The following EPHB3 variants were observed in gnomAD, a reference collection of about 807,000 sequenced individuals.
EPHB3 encodes the protein EPH receptor B3.
EPHB3 carries 33 observed loss-of-function variants against 100.2 expected under a neutral mutation model. The ratio of observed to expected loss-of-function variants is 0.33; its 90% CI spans 0.25 to 0.44. The LOEUF is 0.44. EPHB3 is among the 20% of genes least tolerant of loss of function. The pLI is 1.00. For missense variants in EPHB3, 1,045 were observed against 1,378.3 expected, an observed-to-expected ratio of 0.76 and a Z score of 3.83; for synonymous variants, 526 against 554.7, an observed-to-expected ratio of 0.95 and a Z score of 0.73.
intron 1 of EPHB3, among the ~76,000 whole-genome samples, chr3:184,567,383 CAG>C (rs1714414034): frequency 1.3e-5 from 2 of 152,180 alleles, no homozygotes; most frequent in Non-Finnish European, 2.9e-5. Flanking sequence ...CGAGAGGCAC[CAG>C]AGTGTTGGGG....
intron 1 of EPHB3, among the ~76,000 whole-genome samples, chr3:184,564,861 A>G (rs1476820644): frequency 6.6e-6 from 1 of 152,030 alleles, no homozygotes; most frequent in African/African-American, 2.4e-5. Flanking sequence ...ATAGCACTGA[A>G]GATCTCTTCA....
chr3:184,566,403 C>T (rs1714385892), intron 1 of EPHB3, among the ~76,000 whole-genome samples: 1 of 152,208 alleles, frequency 6.6e-6, no homozygotes, highest in South Asian at 2.1e-4. Context: ...TGAGATGTTC[C>T]CCCCACCCCA....
rs148894801 is a variant in EPHB3 at position 184,569,230 on chromosome 3, G to A, written c.119-2088G>A. ...ACCGGCGGGAGGACTGGCTGCGGGG[G>A]CAGGGCGCGCTTGCTCTGCCGGCTC... On this transcript the variant is annotated intron_variant, in intron 1 of 15. Transcript: ENST00000330394. This position sits in a 1 kb window ranked among gnomAD's most constrained non-coding sequence, Gnocchi z 5.4. Among the ~76,000 whole-genome samples the A allele has an allele frequency of 1.4e-5, 2 of 140,926 alleles. No individual in the cohort carries two copies. The highest frequency in any genetic ancestry group is 2.6e-5 in the African/African-American group (1 of 38,710). The allele number at this position is 140,926 out of a possible 152,430, so 92.5% of individuals were successfully genotyped here. A position where few individuals can be genotyped will look rare whatever the true frequency, so the allele number is the denominator to read the frequency against.
At position 184,562,791 on chromosome 3, in the gene EPHB3, G is replaced by A. The variant is rs1235659736; in HGVS notation, c.118+438G>A. On this transcript the variant is annotated intron_variant, in intron 1 of 15. Coordinates refer to ENST00000330394, the MANE Select transcript of EPHB3 (RefSeq NM_004443.4). The surrounding 1 kb of genome is among the most constrained non-coding windows in gnomAD (Gnocchi z 4.8). ...GTTGGGGGGCGCTAATGAGGAGCCCGTTGGAGTTAACTGTGAGAGTGTGAG... is the reference window on the plus strand; with the variant it reads ...GTTGGGGGGCGCTAATGAGGAGCCCATTGGAGTTAACTGTGAGAGTGTGAG... 2.0e-5 allele frequency among the ~76,000 whole-genome samples: 3 copies of A among 152,218 alleles called. No individual in the cohort carries two copies. The highest frequency in any genetic ancestry group is 2.9e-5 in the Non-Finnish European group (2 of 68,032).
chr3:184,578,574 G>A lies in EPHB3; in HGVS notation c.1801+108G>A. On this transcript the variant is annotated intron_variant, in intron 9 of 15. Coordinates refer to ENST00000330394, the MANE Select transcript of EPHB3 (RefSeq NM_004443.4). The surrounding 1 kb of genome is among the most constrained non-coding windows in gnomAD (Gnocchi z 4.7). The stretch of plus-strand genomic sequence containing the variant: ...CATTCCTTAGAGATAAACCCTGAAT[G>A]CCCCCTCCCACTTCCAGTCAAGTGG... 7.1e-7 allele frequency: 1 copy of A among 1,416,526 alleles called. No individual in the cohort carries two copies. Among genetic ancestry groups the A allele is most frequent in the South Asian group, 1.2e-5 (1 of 81,122 alleles). 87.7% of individuals were successfully genotyped at this position (1,416,526 alleles called of 1,614,324 possible).
rs1714775846 is a variant in EPHB3, at chr3:184,579,837, C to T, written c.2075C>T (p.Pro692Leu). 2 of 1,613,618 alleles carry T rather than the reference C, an allele frequency of 1.2e-6. No individual in the cohort carries two copies. Among genetic ancestry groups the T allele is most frequent in the African/African-American group, 2.7e-5 (2 of 74,772 alleles). The change falls in exon 11 of 16, where the codon CCC becomes CTC. Residue 692 changes from proline to leucine, a missense_variant. Coordinates refer to ENST00000330394, the MANE Select transcript of EPHB3 (RefSeq NM_004443.4). The surrounding 1 kb of genome is among the most constrained non-coding windows in gnomAD (Gnocchi z 5.2). Reference sequence around the variant, plus strand: ...TCCATCATGGGTCAGTTTGATCACCCCAATATAATCCGGCTCGAGGGCGTG... The same window carrying T: ...TCCATCATGGGTCAGTTTGATCACCTCAATATAATCCGGCTCGAGGGCGTG... Reference protein sequence around the residue: ...EASIMGQFDHPNIIRLEGVVT... With the variant: ...EASIMGQFDHLNIIRLEGVVT...
chr3:184,562,268 G>A lies in EPHB3; in HGVS notation c.33G>A (p.Ser11=), dbSNP rs1326056988. The A allele has an allele frequency of 1.7e-6, 2 of 1,174,818 alleles. No individual in the cohort carries two copies. Among genetic ancestry groups the A allele is most frequent in the Non-Finnish European group, 2.1e-6 (2 of 942,252 alleles). 72.8% of individuals were successfully genotyped at this position (1,174,818 alleles called of 1,614,324 possible). Residue 11 remains serine (S), a synonymous_variant, in exon 1 of 16, where the codon TCG becomes TCA. Transcript: ENST00000330394. The surrounding 1 kb of genome is among the most constrained non-coding windows in gnomAD (Gnocchi z 4.8). ...GAGCCCGCCCGCCGCCGCCGCCGTC[G>A]CCGCCGCCGGGGCTTCTGCCGCTGC... MARARPPPPP[S]PPPGLLPLLP...
Position 184,579,992 on chromosome 3 carries a change from T to C in EPHB3, c.2172+58T>C. 3 of 1,570,910 alleles carry C rather than the reference T, an allele frequency of 1.9e-6. No homozygotes were observed. The highest frequency in any genetic ancestry group is 2.6e-6 in the Non-Finnish European group (3 of 1,160,278). ...CCAGAGAGTTGGATTGGGCTCACCA[T>C]CCCCTCCCACAAGTCAGACAGCCCC... On this transcript the variant is annotated intron_variant, in intron 11 of 15. Transcript: ENST00000330394. The surrounding 1 kb of genome is among the most constrained non-coding windows in gnomAD (Gnocchi z 5.2).
chr3:184,580,312 G>C, intron 11 of EPHB3, 90 bp from the exon 12 acceptor site: 2 of 1,520,492 alleles, frequency 1.3e-6, no homozygotes, highest in East Asian at 2.3e-5. Context: ...AGACGAGGTA[G>C]AGTCTGAGTA....
At chr3:184,568,738 A>G (rs751903737) in intron 1 of EPHB3, among the ~76,000 whole-genome samples, 19 of 152,164 alleles carry the variant, frequency 1.2e-4, no homozygotes, top group Non-Finnish European at 2.6e-4. Flanking sequence ...GGAAACCGAG[A>G]GCACGCGGCC....
rs67295730 is a variant in EPHB3 at position 184,573,716 on chromosome 3, CTTTT to C, written c.856+555_856+558del. Among the ~76,000 whole-genome samples, 2 of 138,564 alleles carry C rather than the reference CTTTT, an allele frequency of 1.4e-5. No homozygotes were observed. Among genetic ancestry groups the C allele is most frequent in the African/African-American group, 2.7e-5 (1 of 37,276 alleles). 90.9% of individuals were successfully genotyped at this position (138,564 alleles called of 152,430 possible). On this transcript the variant is annotated intron_variant, in intron 3 of 15. Coordinates refer to ENST00000330394, the MANE Select transcript of EPHB3 (RefSeq NM_004443.4). This position sits in a 1 kb window ranked among gnomAD's most constrained non-coding sequence, Gnocchi z 4.5. ...CACTTACGTGACCTTGGGCAAGTTA[CTTTT>C]TTTTTTTTTTTTTTGAGATGGAGTT...
At position 184,579,340 on chromosome 3, in the gene EPHB3, A is replaced by T. The variant is rs1287843373; in HGVS notation, c.1802-137A>T. 7.5e-6 allele frequency: 10 copies of T among 1,331,832 alleles called. No homozygotes were observed. The African/African-American group carries it at 1.3e-4, about 18-fold the overall frequency. The allele number at this position is 1,331,832 out of a possible 1,614,324, so 82.5% of individuals were successfully genotyped here. On this transcript the variant is annotated intron_variant, in intron 9 of 15. Coordinates refer to ENST00000330394, the MANE Select transcript of EPHB3 (RefSeq NM_004443.4). This position sits in a 1 kb window ranked among gnomAD's most constrained non-coding sequence, Gnocchi z 5.2. ...GCCTTTATGGTCACCAGGAGTTCTC[A>T]TGGGAGCTGGAGGATTAGGGCAGCA...
In EPHB3 at chr3:184,575,928, A is replaced by G; in HGVS notation, c.955A>G (p.Thr319Ala). The change falls in exon 4 of 16, where the codon ACC (threonine) becomes GCC (alanine). Residue 319 changes from threonine to alanine, a missense_variant. Transcript: ENST00000330394. Reference protein sequence around the residue: ...RTTSPAASICTCHNNFYRADS... With the variant: ...RTTSPAASICACHNNFYRADS... ...CACCTCCCCAGCCGCCAGCATCTGC[A>G]CCTGCCACAATAACTTCTACCGTGC... 1.3e-6 allele frequency: 2 copies of G among 1,592,134 alleles called. No individual in the cohort carries two copies. The highest frequency in any genetic ancestry group is 4.5e-5 in the East Asian group (2 of 44,108).
In EPHB3 at chr3:184,571,409, G is replaced by A. The variant is rs199537970; in HGVS notation, c.183+27G>A. On this transcript the variant is annotated intron_variant, in intron 2 of 15. Transcript: ENST00000330394. The surrounding 1 kb of genome is among the most constrained non-coding windows in gnomAD (Gnocchi z 5.0). ...TGAGGCTTTCCCATCATTCTCCTGA[G>A]TGTTGTTTGCCATTAGGCCTCCCCC... The A allele has an allele frequency of 4.8e-5, 77 of 1,613,410 alleles. No individual in the cohort carries two copies. In the East Asian group the frequency reaches 1.6e-3, roughly 35 times the overall value.
At position 184,581,521 on chromosome 3, in the gene EPHB3, C is replaced by T; in HGVS notation, c.2896C>T (p.Leu966Phe). The change falls in exon 16 of 16, where the codon CTC (leucine) becomes TTC (phenylalanine). Residue 966 changes from leucine to phenylalanine, a missense_variant. By Grantham distance (22) the Leu-to-Phe change is conservative (BLOSUM62 0). This residue lies in a region of EPHB3 where 985 missense variants were observed against 1,331.1 expected (regional missense o/e 0.74). Coordinates refer to ENST00000330394, the MANE Select transcript of EPHB3 (RefSeq NM_004443.4). ...LVAQMTAEDL[L>F]RIGVTLAGHQ... ...ATTTGGCTCCACCTGCAGAGACCTGCTCCGTATTGGGGTCACCCTGGCCGG... is the reference window on the plus strand; with the variant it reads ...ATTTGGCTCCACCTGCAGAGACCTGTTCCGTATTGGGGTCACCCTGGCCGG... The T allele has an allele frequency of 6.2e-7, 1 of 1,613,184 alleles. No individual in the cohort carries two copies. Among genetic ancestry groups the T allele is most frequent in the East Asian group, 2.2e-5 (1 of 44,880 alleles).
At chr3:184,570,623 G>A (rs1714514541) in intron 1 of EPHB3, among the ~76,000 whole-genome samples, 1 of 152,232 alleles carries the variant, frequency 6.6e-6, no homozygotes, top group Admixed American at 6.5e-5. Flanking sequence ...GTGTGGGGCT[G>A]GGCCTTTGTG....
At chr3:184,570,956 C>CTT (rs35707076) in intron 1 of EPHB3, among the ~76,000 whole-genome samples, 17 of 137,444 alleles carry the variant, frequency 1.2e-4, no homozygotes, top group African/African-American at 2.1e-4. Context: ...TTCTTTCTTT[C>CTT]TTTTTTTTTT....
rs1560066295 is a variant in EPHB3 at position 184,581,951 on chromosome 3, G to A, written c.*329G>A. Reference sequence around the variant, plus strand: ...AGTGCTGGAGGTCCTGGCAGGGTCAGGCTGGGGTAAGCCGGGGTTCCACAG... The same window carrying A: ...AGTGCTGGAGGTCCTGGCAGGGTCAAGCTGGGGTAAGCCGGGGTTCCACAG... On this transcript the variant is annotated 3_prime_UTR_variant, in exon 16 of 16. Coordinates refer to ENST00000330394, the MANE Select transcript of EPHB3 (RefSeq NM_004443.4). 2.1e-5 allele frequency: 5 copies of A among 237,350 alleles called. No individual in the cohort carries two copies. The highest frequency in any genetic ancestry group is 4.1e-5 in the Non-Finnish European group (5 of 123,226). The allele number at this position is 237,350 out of a possible 1,614,324, so 14.7% of individuals were successfully genotyped here. A position where few individuals can be genotyped will look rare whatever the true frequency, so the allele number is the denominator to read the frequency against.
At position 184,573,118 on chromosome 3, in the gene EPHB3, G is replaced by C. The variant is rs1714582722; in HGVS notation, c.798G>C (p.Val266=). Residue 266 remains valine (V), a synonymous_variant, in exon 3 of 16, where the codon GTG becomes GTC. Coordinates refer to ENST00000330394, the MANE Select transcript of EPHB3 (RefSeq NM_004443.4). This position sits in a 1 kb window ranked among gnomAD's most constrained non-coding sequence, Gnocchi z 4.5. ...CNGDGEWMVP[V]GACTCATGHE... is the part of the protein sequence containing the mutation. Reference sequence around the variant, plus strand: ...GCGATGGGGAGTGGATGGTGCCTGTGGGTGCCTGCACCTGTGCCACCGGCC... The same window carrying C: ...GCGATGGGGAGTGGATGGTGCCTGTCGGTGCCTGCACCTGTGCCACCGGCC... The C allele has an allele frequency of 6.2e-7, 1 of 1,612,712 alleles. No individual in the cohort carries two copies. The highest frequency in any genetic ancestry group is 8.5e-7 in the Non-Finnish European group (1 of 1,180,040).
Sources: allele counts gnomAD v4.1 joint callset (sites outside exome capture counted in the v4.1 genomes callset), GRCh38; gene constraint gnomAD v4.1.1; regional missense constraint gnomAD v4.1.1; non-coding constraint Gnocchi (gnomAD v3.1); transcripts MANE v1.5; gene names NCBI Gene and HGNC (gene_info 2026-07-23, HGNC 2026-07-21).